The following RGS3 variants were observed in gnomAD, a reference collection of about 807,000 sequenced individuals.
RGS3 encodes regulator of G-protein signalling 3.
RGS3 carries 80 observed loss-of-function variants against 132.6 expected under a neutral mutation model. That is an observed-to-expected ratio of 0.60 (90% confidence interval 0.50 to 0.73). RGS3 has a LOEUF of 0.73. Ranked by LOEUF, RGS3 falls within the 30% of genes least tolerant of loss-of-function variation. RGS3 has a pLI of 0.00. For synonymous variants in RGS3, 598 were observed against 620.6 expected (o/e 0.96, Z 0.54); for missense variants, 1,382 against 1,530.8 (o/e 0.90, Z 1.62).
Position 113,483,107 on chromosome 9 carries a change from C to T in RGS3, c.515C>T (p.Pro172Leu), listed in dbSNP as rs563885583. ...AGCAAACAGCCTGGCACCTGTGATCCGTATGTGAAGGTATGTGGTGGGGCC... is the reference window on the plus strand; with the variant it reads ...AGCAAACAGCCTGGCACCTGTGATCTGTATGTGAAGGTATGTGGTGGGGCC... The change falls in exon 5 of 25, where the codon CCG becomes CTG. Residue 172 changes from proline to leucine, a missense_variant. Coordinates refer to ENST00000350696, the Ensembl canonical transcript of RGS3. 3.7e-5 allele frequency: 59 copies of T among 1,610,246 alleles called. No homozygotes were observed. The highest frequency in any genetic ancestry group is 4.3e-5 in the Non-Finnish European group (51 of 1,176,782).
At chr9:113,468,233 G>C (rs1033863207) in intron 3 of RGS3, among the ~76,000 whole-genome samples, 7 of 152,172 alleles carry the variant, frequency 4.6e-5, no homozygotes, top group African/African-American at 1.7e-4. Flanking sequence ...TTTTGTGTAT[G>C]GTATGAGGTA....
chr9:113,487,632 C>T (rs1229121948), intron 7 of RGS3, among the ~76,000 whole-genome samples: 1 of 152,070 alleles, frequency 6.6e-6, no homozygotes, highest in Non-Finnish European at 1.5e-5. Flanking sequence ...AAGAAAGAGC[C>T]AGTAAAGTAG....
intron 3 of RGS3, 132 bp downstream of exon 1, chr9:113,464,013 C>T (rs1038869932): frequency 1.1e-6 from 1 of 925,316 alleles, no homozygotes; most frequent in African/African-American, 1.7e-5. Flanking sequence ...TTCTCTGGCC[C>T]CTTTCTCCTG....
At chr9:113,573,534 C>A (rs1376545781) in intron 19 of RGS3, among the ~76,000 whole-genome samples, 1 of 152,224 alleles carries the variant, frequency 6.6e-6, no homozygotes, top group Non-Finnish European at 1.5e-5. Flanking sequence ...CAAAGGCTGA[C>A]CTCATGACTG....
intron 8 of RGS3, 107 bp from the exon 7 acceptor site, chr9:113,497,207 T>A (rs1830715040): frequency 2.5e-6 from 2 of 808,862 alleles, no homozygotes; most frequent in Non-Finnish European, 4.1e-6. Flanking sequence ...AGTCTGTCTC[T>A]CCTGTGGGTG....
chr9:113,587,424 C>T (rs1015206872), intron 20 of RGS3, among the ~76,000 whole-genome samples: 4 of 152,216 alleles, frequency 2.6e-5, no homozygotes, highest in African/African-American at 9.7e-5. Context: ...AGGTTCAAGT[C>T]TCAGCTCTGC....
chr9:113,470,972 A>G (rs1269405834), intron 3 of RGS3, among the ~76,000 whole-genome samples: 1 of 152,134 alleles, frequency 6.6e-6, no homozygotes, highest in Non-Finnish European at 1.5e-5. Context: ...CTCAAAACAA[A>G]CAAACAACAA....
chr9:113,484,242 T>C lies in RGS3; in HGVS notation c.620+10T>C, dbSNP rs1374988406. 6.6e-7 allele frequency: 1 copy of C among 1,516,492 alleles called. No individual in the cohort carries two copies. The highest frequency in any genetic ancestry group is 9.1e-7 in the Non-Finnish European group (1 of 1,104,878). 93.9% of individuals were successfully genotyped at this position (1,516,492 alleles called of 1,614,324 possible). On this transcript the variant is annotated intron_variant, in intron 6 of 24. Transcript: ENST00000350696. ...ACGAGCACTTCTTCTTGTAAGAGTCTGGTGCAGCTGGGCCCTAGAAAGGAG... is the reference window on the plus strand; with the variant it reads ...ACGAGCACTTCTTCTTGTAAGAGTCCGGTGCAGCTGGGCCCTAGAAAGGAG...
intron 19 of RGS3, among the ~76,000 whole-genome samples, chr9:113,550,316 T>C (rs1315055963): frequency 6.6e-6 from 1 of 152,182 alleles, no homozygotes; most frequent in Non-Finnish European, 1.5e-5. Context: ...TGAGCTGAGA[T>C]TGTGTCAACT....
chr9:113,485,641 G>T lies in RGS3; in HGVS notation c.637G>T (p.Asp213Tyr), dbSNP rs751682540. 3 of 1,598,898 alleles carry T rather than the reference G, an allele frequency of 1.9e-6. No homozygotes were observed. The South Asian group carries it at 3.4e-5, about 18-fold the overall frequency. Reference sequence around the variant, plus strand: ...ATTTCGCAGTCCTGTCCAAGAGGAGGATGATCAGAAGCGTCTCTTGGTTAC... The same window carrying T: ...ATTTCGCAGTCCTGTCCAAGAGGAGTATGATCAGAAGCGTCTCTTGGTTAC... The change falls in exon 7 of 25, where the codon GAT (aspartate) becomes TAT (tyrosine). Residue 213 changes from aspartate (D) to tyrosine (Y), a missense_variant. Asp to Tyr is a radical substitution (Grantham distance 160, BLOSUM62 -3). Coordinates refer to ENST00000350696, the Ensembl canonical transcript of RGS3.
intron 19 of RGS3, among the ~76,000 whole-genome samples, chr9:113,571,284 G>A (rs1834281407): frequency 6.6e-6 from 1 of 152,168 alleles, no homozygotes; most frequent in South Asian, 2.1e-4. Flanking sequence ...CAATTGCTGA[G>A]TCATAGAGTT....
At chr9:113,465,477 G>GTGTA (rs1480681224) in intron 3 of RGS3, among the ~76,000 whole-genome samples, 7 of 140,938 alleles carry the variant, frequency 5.0e-5, no homozygotes, top group African/African-American at 1.7e-4. Context: ...GTGTGTGTGT[G>GTGTA]TGTGCCTGTG....
intron 5 of RGS3, 41 bp from the exon 4 acceptor site, chr9:113,484,097 C>A: frequency 8.1e-7 from 1 of 1,234,266 alleles, no homozygotes; most frequent in Non-Finnish European, 1.2e-6. Context: ...TTAGGTGGGC[C>A]ATGAGATCCG....
rs534427488 is a variant in RGS3, at chr9:113,584,627, C to G, written c.3015+200C>G. ...GCAGAGCATGGACTTAAACACATGACTTTAGGATTCCAGATGCTGTGTTCT... is the reference window on the plus strand; with the variant it reads ...GCAGAGCATGGACTTAAACACATGAGTTTAGGATTCCAGATGCTGTGTTCT... On this transcript the variant is annotated intron_variant, in intron 20 of 24. Transcript: ENST00000350696. Among the ~76,000 whole-genome samples, 4 of 152,332 alleles carry G rather than the reference C, an allele frequency of 2.6e-5. No homozygotes were observed. The South Asian group carries it at 8.3e-4, about 32-fold the overall frequency.
At chr9:113,575,391 T>G (rs1248903504) in intron 19 of RGS3, among the ~76,000 whole-genome samples, 1 of 152,190 alleles carries the variant, frequency 6.6e-6, no homozygotes, top group Non-Finnish European at 1.5e-5. Context: ...GCCGCCCTCC[T>G]GAGCCTCTGA....
intron 19 of RGS3, among the ~76,000 whole-genome samples, chr9:113,540,543 G>A (rs1221018704): frequency 6.6e-6 from 1 of 152,204 alleles, no homozygotes. Flanking sequence ...TCCGTGCCGT[G>A]AGCCTCCTGC....
At chr9:113,594,896 G>T (rs766619699) in intron 22 of RGS3, 23 bp from the exon 21 acceptor site, 2 of 1,612,656 alleles carry the variant, frequency 1.2e-6, no homozygotes, top group Non-Finnish European at 1.7e-6. Context: ...TGCCCTCACT[G>T]TGTTTCCTCC....
intron 19 of RGS3, among the ~76,000 whole-genome samples, chr9:113,540,536 G>A (rs866595754): frequency 3.9e-5 from 6 of 152,286 alleles, no homozygotes; most frequent in Middle Eastern, 6.8e-3. Context: ...AGCATCATCC[G>A]TGCCGTGAGC....
intron 19 of RGS3, among the ~76,000 whole-genome samples, chr9:113,575,649 T>A (rs1834484068): frequency 6.6e-6 from 1 of 152,174 alleles, no homozygotes. Context: ...GACCTTGGCC[T>A]TATCACTTCC....
Sources: gnomAD v4.1 joint callset for allele counts (sites outside exome capture counted in the v4.1 genomes callset) on GRCh38, gnomAD v4.1.1 for gene constraint, MANE v1.5 for transcripts, NCBI Gene and HGNC (gene_info 2026-07-23, HGNC 2026-07-21) for gene names.